The following CD96 variants were observed in gnomAD, a reference collection of about 807,000 sequenced individuals.
The protein encoded by CD96 is CD96 molecule.
A neutral mutation model predicts 71.3 loss-of-function variants in CD96; 70 were observed. That is an observed-to-expected ratio of 0.98 (90% CI 0.81 to 1.20). CD96 has a LOEUF of 1.20. Among genes scored for constraint, CD96 ranks in the 50% most tolerant of loss-of-function variants. The probability of loss-of-function intolerance (pLI) is 0.00; values close to 1 mark genes in which losing one functional copy is unlikely to be tolerated. For missense variants in CD96, 742 were observed against 677.5 expected (o/e 1.10, Z -1.06); for synonymous variants, 248 against 233.0 (o/e 1.06, Z -0.59).
At chr3:111,555,430 TC>T (rs1934947022) in intron 2 of CD96, among the ~76,000 whole-genome samples, 2 of 152,302 alleles carry the variant, frequency 1.3e-5, no homozygotes, top group Non-Finnish European at 1.5e-5. Flanking sequence ...ATGAATTCTT[TC>T]AGATTTTTTC....
At chr3:111,634,495 T>C (rs1939229629) in intron 10 of CD96, 1 of 152,566 alleles carries the variant, frequency 6.6e-6, no homozygotes, top group Non-Finnish European at 1.5e-5. Flanking sequence ...GTAGTGTTTG[T>C]TTGTAGATTT....
At chr3:111,547,562 T>C (rs1934475312) in intron 2 of CD96, among the ~76,000 whole-genome samples, 1 of 152,154 alleles carries the variant, frequency 6.6e-6, no homozygotes, top group African/African-American at 2.4e-5. Flanking sequence ...AAGACAGCAA[T>C]GGAGAACAGA....
At chr3:111,596,231 CA>C (rs1182455345) in intron 5 of CD96, among the ~76,000 whole-genome samples, 1 of 149,908 alleles carries the variant, frequency 6.7e-6, no homozygotes, top group Non-Finnish European at 1.5e-5. Flanking sequence ...AATGGCATAG[CA>C]GAAAATATGT....
rs761434549 is a variant in CD96 at position 111,600,936 on chromosome 3, A to G, written c.1087+22A>G. ...TTAGGTGAGTTGTCTATTTAATAAGATCAACAAGAGTTTGCTAAGACTGCC... is the reference window on the plus strand; with the variant it reads ...TTAGGTGAGTTGTCTATTTAATAAGGTCAACAAGAGTTTGCTAAGACTGCC... On this transcript the variant is annotated intron_variant, in intron 7 of 13. Transcript: ENST00000352690. 6.1e-6 allele frequency: 9 copies of G among 1,474,434 alleles called. No individual in the cohort carries two copies. The Admixed American group carries it at 1.2e-4, about 19-fold the overall frequency. The allele number at this position is 1,474,434 out of a possible 1,614,324, so 91.3% of individuals were successfully genotyped here. A position where few individuals can be genotyped will look rare whatever the true frequency, so the allele number is the denominator to read the frequency against.
At chr3:111,561,916 C>A (rs1935447603) in intron 2 of CD96, among the ~76,000 whole-genome samples, 1 of 151,190 alleles carries the variant, frequency 6.6e-6, no homozygotes, top group African/African-American at 2.4e-5. Flanking sequence ...TCGTGGTGCG[C>A]CGTTTTTTAA....
chr3:111,620,661 A>C (rs540687270), intron 8 of CD96, among the ~76,000 whole-genome samples: 6,018 of 152,268 alleles, frequency 0.04, 169 homozygotes, highest in Middle Eastern at 0.068. Flanking sequence ...CTGGGGAAAG[A>C]GACTAGGAGA....
At chr3:111,594,608 T>A (rs1937168400) in intron 5 of CD96, 1 of 178,654 alleles carries the variant, frequency 5.6e-6, no homozygotes, top group East Asian at 1.8e-4. Flanking sequence ...TTTTAGGTTT[T>A]CTTGTTTCTC....
chr3:111,548,680 C>T (rs1437757664), intron 2 of CD96, among the ~76,000 whole-genome samples: 1 of 152,034 alleles, frequency 6.6e-6, no homozygotes, highest in Non-Finnish European at 1.5e-5. Context: ...CCTTGGTGGG[C>T]TGTTAATGTT....
chr3:111,617,977 A>G (rs1427999978), intron 8 of CD96, among the ~76,000 whole-genome samples: 1 of 152,190 alleles, frequency 6.6e-6, no homozygotes, highest in Non-Finnish European at 1.5e-5. Flanking sequence ...TTGTCCAGAC[A>G]CCAGTGCCTG....
chr3:111,611,294 G>A (rs532956606), intron 8 of CD96, among the ~76,000 whole-genome samples: 3 of 152,264 alleles, frequency 2.0e-5, no homozygotes, highest in Admixed American at 6.5e-5. Flanking sequence ...CAGACATTGA[G>A]GGGCACAGGG....
At chr3:111,577,084 G>A (rs1399899944) in intron 3 of CD96, among the ~76,000 whole-genome samples, 2 of 152,074 alleles carry the variant, frequency 1.3e-5, no homozygotes, top group East Asian at 1.9e-4. Context: ...TAAGTTGGAA[G>A]GTTTTGTATT....
intron 2 of CD96, among the ~76,000 whole-genome samples, chr3:111,546,900 A>G (rs1020781328): frequency 6.8e-6 from 1 of 146,808 alleles, no homozygotes; most frequent in Non-Finnish European, 1.5e-5. Flanking sequence ...CACACCACAC[A>G]CACACACACA....
At chr3:111,622,680 A>G (rs1412258475) in intron 8 of CD96, among the ~76,000 whole-genome samples, 3 of 152,258 alleles carry the variant, frequency 2.0e-5, no homozygotes, top group African/African-American at 7.2e-5. Flanking sequence ...CATACTGGCT[A>G]TCATACTGTA....
chr3:111,555,017 T>A (rs1368454189), intron 2 of CD96, among the ~76,000 whole-genome samples: 1 of 152,028 alleles, frequency 6.6e-6, no homozygotes, highest in East Asian at 1.9e-4. Flanking sequence ...AGCCACTGAT[T>A]TGGCAGGACA....
chr3:111,624,363 T>C lies in CD96; in HGVS notation c.1280T>C (p.Phe427Ser), dbSNP rs750981859. ...PSNSSMTTRG[F>S]NYPWTSSGTD... The stretch of plus-strand genomic sequence containing the variant: ...AATTCCAGTATGACTACCCGAGGCT[T>C]CAACTATCCCTGGACCTCCAGTGGG... The change falls in exon 10 of 14, where the codon TTC becomes TCC. Residue 427 changes from phenylalanine to serine, a missense_variant. Physicochemically the swap from Phe to Ser is radical, Grantham distance 155. Transcript: ENST00000352690. 4.4e-5 allele frequency: 71 copies of C among 1,612,480 alleles called. No individual in the cohort carries two copies. Among genetic ancestry groups the C allele is most frequent in the Middle Eastern group, 1.6e-4 (1 of 6,082 alleles).
Position 111,600,838 on chromosome 3 carries a change from T to C in CD96, c.1011T>C (p.Ile337=), listed in dbSNP as rs371840762. 2 of 1,612,914 alleles carry C rather than the reference T, an allele frequency of 1.2e-6. No homozygotes were observed. The highest frequency in any genetic ancestry group is 1.7e-6 in the Non-Finnish European group (2 of 1,178,912). Residue 337 remains isoleucine (I), a synonymous_variant, in exon 7 of 14, where the codon ATT becomes ATC. Coordinates refer to ENST00000352690, the MANE Select transcript of CD96 (RefSeq NM_005816.5). ...NKPAQSDNLT[I]WCMALSPVPG... is the part of the protein sequence containing the mutation. ...CAGCCCAATCAGACAACTTGACCATTTGGTGTATGGCTCTGTCTCCAGTCC... is the reference window on the plus strand; with the variant it reads ...CAGCCCAATCAGACAACTTGACCATCTGGTGTATGGCTCTGTCTCCAGTCC...
At chr3:111,663,132 G>T (rs1215419933) in intron 14 of CD96, among the ~76,000 whole-genome samples, 1 of 152,176 alleles carries the variant, frequency 6.6e-6, no homozygotes, top group African/African-American at 2.4e-5. Flanking sequence ...AGAGAACAAA[G>T]GAGGAAGTCC....
At chr3:111,627,940 A>G (rs1012948829) in intron 10 of CD96, among the ~76,000 whole-genome samples, 13 of 152,218 alleles carry the variant, frequency 8.5e-5, no homozygotes, top group Non-Finnish European at 4.4e-5. Flanking sequence ...CTAGTCGTTC[A>G]AAGAAAACAA....
At chr3:111,551,344 T>C (rs1463208581) in intron 2 of CD96, among the ~76,000 whole-genome samples, 1 of 152,122 alleles carries the variant, frequency 6.6e-6, no homozygotes, top group Non-Finnish European at 1.5e-5. Context: ...GCATGGTCAC[T>C]GAAAGCACCT....
Sources: gnomAD v4.1 joint callset for allele counts (sites outside exome capture counted in the v4.1 genomes callset) on GRCh38, gnomAD v4.1.1 for gene constraint, MANE v1.5 for transcripts, NCBI Gene and HGNC (gene_info 2026-07-23, HGNC 2026-07-21) for gene names.